AATK: variants seen among roughly 807,000 people sequenced by gnomAD.
The protein encoded by AATK is serine/threonine-protein kinase LMTK1.
Under a neutral mutation model 114.3 loss-of-function variants are expected in AATK, and 91 were observed. The observed-to-expected ratio is 0.80, with a 90% CI of 0.67 to 0.95. AATK has a LOEUF of 0.95. Ranked by LOEUF, AATK falls within the 40% of genes least tolerant of loss-of-function variation. The probability of loss-of-function intolerance (pLI) is 0.00; values close to 1 mark genes in which losing one functional copy is unlikely to be tolerated. For synonymous variants in AATK, 1,075 were observed against 916.5 expected (o/e 1.17, Z -3.12); for missense variants, 2,176 against 1,965.2 (o/e 1.11, Z -2.03).
chr17:81,120,156 G>C, intron 11 of AATK, 45 bp downstream of exon 11: 1 of 1,521,862 alleles, frequency 6.6e-7, no homozygotes. Flanking sequence ...TCCTGCGGGA[G>C]CGCGACCCCC....
In AATK at chr17:81,122,638, G is replaced by A; in HGVS notation, c.1298C>T (p.Pro433Leu). Residue 433 changes from proline to leucine, a missense_variant, in exon 11 of 14, where the codon CCC becomes CTC. Physicochemically the swap from Pro to Leu is moderately conservative, Grantham distance 98. Around this residue, in one of 4 missense-constraint regions of AATK, gnomAD observed 1,701 missense variants for 1,394.7 expected, o/e 1.22. Coordinates refer to ENST00000326724, the MANE Select transcript of AATK (RefSeq NM_001080395.3). ...GAGCTCCACCACGCCGCCCAGCATG[G>A]GCCCCGCCGCACCGGGCCCGGGCCC... is the stretch of plus-strand genomic sequence containing the variant. ...GVGPGPGAAG[P>L]MLGGVVELAA... 2.1e-6 allele frequency: 3 copies of A among 1,436,558 alleles called. No individual in the cohort carries two copies. The highest frequency in any genetic ancestry group is 2.8e-6 in the Non-Finnish European group (3 of 1,090,282). 89.0% of individuals were successfully genotyped at this position (1,436,558 alleles called of 1,614,324 possible).
At chr17:81,133,185 T>C (rs1428815804) in intron 2 of AATK, 2 of 482,128 alleles carry the variant, frequency 4.1e-6, no homozygotes, top group South Asian at 3.1e-5. Flanking sequence ...AGCTCCTCAC[T>C]GGTTGATGGG....
At chr17:81,156,512 C>T (rs2061369139) in intron 1 of AATK, among the ~76,000 whole-genome samples, 1 of 152,196 alleles carries the variant, frequency 6.6e-6, no homozygotes. Flanking sequence ...ATTCTCCTGC[C>T]TCAGCCTCCC....
intron 9 of AATK, among the ~76,000 whole-genome samples, chr17:81,124,174 C>T (rs902913937): frequency 3.2e-5 from 4 of 123,150 alleles, no homozygotes; most frequent in East Asian, 2.3e-4. Flanking sequence ...GTGGTGGGGG[C>T]GGTTGGGGAA....
chr17:81,157,851 T>C (rs2725416), intron 1 of AATK, among the ~76,000 whole-genome samples: 125,786 of 152,228 alleles, frequency 0.83, 52,073 homozygotes, highest in East Asian at 0.97. Flanking sequence ...CTGGCCTGTC[T>C]CTGCTCGACG....
chr17:81,144,917 G>C (rs1472790774), intron 1 of AATK, among the ~76,000 whole-genome samples: 1 of 152,224 alleles, frequency 6.6e-6, no homozygotes, highest in Non-Finnish European at 1.5e-5. Context: ...TGGCCACGCA[G>C]AGGATTCCAC....
chr17:81,125,823 T>TGG (rs2060808294), intron 7 of AATK: 1 of 276,880 alleles, frequency 3.6e-6, no homozygotes, highest in Admixed American at 4.2e-5. Context: ...TGGGGTGGGT[T>TGG]GGGGTTGGGG....
rs1285478384 is a variant in AATK at position 81,126,882 on chromosome 17, C to T, written c.622-322G>A. 6.1e-6 allele frequency: 7 copies of T among 1,147,752 alleles called. No homozygotes were observed. The highest frequency in any genetic ancestry group is 4.5e-5 in the East Asian group (1 of 22,406). 71.1% of individuals were successfully genotyped at this position (1,147,752 alleles called of 1,614,324 possible). On this transcript the variant is annotated intron_variant, in intron 6 of 13. Transcript: ENST00000326724. The surrounding 1 kb of genome is among the most constrained non-coding windows in gnomAD (Gnocchi z 5.1). Reference sequence around the variant, plus strand: ...CTTGATGGAGTCTGGGGCTGGTGGTCGAGGGTTGGCCGGCAGCCCCTGACC... The same window carrying T: ...CTTGATGGAGTCTGGGGCTGGTGGTTGAGGGTTGGCCGGCAGCCCCTGACC...
At chr17:81,139,597 C>G (rs2061093023) in intron 1 of AATK, among the ~76,000 whole-genome samples, 1 of 151,820 alleles carries the variant, frequency 6.6e-6, no homozygotes, top group African/African-American at 2.4e-5. Context: ...TCTTCCAAGC[C>G]TGGCCTGGCC....
rs1423591754 is a variant in AATK at position 81,126,745 on chromosome 17, C to T, written c.622-185G>A. On this transcript the variant is annotated intron_variant, in intron 6 of 13. Transcript: ENST00000326724. The surrounding 1 kb of genome is among the most constrained non-coding windows in gnomAD (Gnocchi z 5.1). ...GTTCCTGGAGGGGGGCCGTGTCCCC[C>T]AGGGCTGGGCTGGACTGAAGGCTTC... is the stretch of plus-strand genomic sequence containing the variant. 7.1e-7 allele frequency: 1 copy of T among 1,414,526 alleles called. No individual in the cohort carries two copies. Among genetic ancestry groups the T allele is most frequent in the Non-Finnish European group, 9.2e-7 (1 of 1,086,466 alleles). 87.6% of individuals were successfully genotyped at this position (1,414,526 alleles called of 1,614,324 possible).
rs559355977 is a variant in AATK at position 81,126,926 on chromosome 17, G to C, written c.622-366C>G. 1 of 966,400 alleles carries C rather than the reference G, an allele frequency of 1.0e-6. No individual in the cohort carries two copies. 59.9% of individuals were successfully genotyped at this position (966,400 alleles called of 1,614,324 possible). ...CCTGACCTGCCGAAAGCCCAGCCCC[G>C]GGACGGTCAACGTCAGGAGTCCAGA... On this transcript the variant is annotated intron_variant, in intron 6 of 13. Transcript: ENST00000326724. This position sits in a 1 kb window ranked among gnomAD's most constrained non-coding sequence, Gnocchi z 5.1.
In AATK at chr17:81,120,696, AGGCTCTGGG is replaced by A; in HGVS notation, c.3231_3239del (p.Pro1081_Pro1083del). 1 of 1,519,462 alleles carries A rather than the reference AGGCTCTGGG, an allele frequency of 6.6e-7. No individual in the cohort carries two copies. The highest frequency in any genetic ancestry group is 8.8e-7 in the Non-Finnish European group (1 of 1,133,898). 94.1% of individuals were successfully genotyped at this position (1,519,462 alleles called of 1,614,324 possible). On this transcript the variant is annotated inframe_deletion, in exon 11 of 14. Coordinates refer to ENST00000326724, the MANE Select transcript of AATK (RefSeq NM_001080395.3). ...CCTTGGCTGGGCCTTGGGGCTCCGG[AGGCTCTGGG>A]ACCAGGCCCGAGGGGCAGGTGCTGG...
intron 1 of AATK, among the ~76,000 whole-genome samples, chr17:81,164,393 T>C (rs2061461031): frequency 6.6e-6 from 1 of 152,150 alleles, no homozygotes; most frequent in Non-Finnish European, 1.5e-5. Flanking sequence ...CCCCTCCTGG[T>C]AGGTGGGCCC....
intron 1 of AATK, among the ~76,000 whole-genome samples, chr17:81,147,360 CAAAAA>C (rs59460030): frequency 1.8e-5 from 1 of 54,924 alleles, no homozygotes; most frequent in Non-Finnish European, 3.9e-5. Context: ...GACTCCATCT[CAAAAA>C]AAAAAAAAAA....
intron 1 of AATK, among the ~76,000 whole-genome samples, chr17:81,151,102 G>T (rs1412131761): frequency 6.6e-6 from 1 of 152,222 alleles, no homozygotes; most frequent in Non-Finnish European, 1.5e-5. Context: ...CTGTGAGGCA[G>T]ACAGAACTTT....
At chr17:81,125,186 C>T in intron 7 of AATK, 172 bp from the exon 8 acceptor site, 1 of 668,664 alleles carries the variant, frequency 1.5e-6, no homozygotes, top group Admixed American at 2.5e-5. Flanking sequence ...GGAGACACTG[C>T]CACCCCCCAT....
intron 1 of AATK, among the ~76,000 whole-genome samples, chr17:81,139,994 C>G (rs1250683055): frequency 6.6e-6 from 1 of 152,218 alleles, no homozygotes; most frequent in African/African-American, 2.4e-5. Context: ...ATCAGCCACC[C>G]TCAGGACCCC....
chr17:81,145,997 G>A (rs2061213447), intron 1 of AATK, among the ~76,000 whole-genome samples: 1 of 151,596 alleles, frequency 6.6e-6, no homozygotes, highest in African/African-American at 2.4e-5. Flanking sequence ...AGACCAGCCT[G>A]GGCAACATGG....
chr17:81,126,946 TC>T lies in AATK; in HGVS notation c.622-387del. ...GCCCCGGGACGGTCAACGTCAGGAG[TC>T]CAGACGCCAGTGTGTGAGGGCCCCT... On this transcript the variant is annotated intron_variant, in intron 6 of 13. Transcript: ENST00000326724. This position sits in a 1 kb window ranked among gnomAD's most constrained non-coding sequence, Gnocchi z 5.1. 1 of 702,828 alleles carries T rather than the reference TC, an allele frequency of 1.4e-6. No individual in the cohort carries two copies. The highest frequency in any genetic ancestry group is 1.8e-6 in the Non-Finnish European group (1 of 547,964). 43.5% of individuals were successfully genotyped at this position (702,828 alleles called of 1,614,324 possible).
Sources: allele counts gnomAD v4.1 joint callset (sites outside exome capture counted in the v4.1 genomes callset), GRCh38; gene constraint gnomAD v4.1.1; regional missense constraint gnomAD v4.1.1; non-coding constraint Gnocchi (gnomAD v3.1); transcripts MANE v1.5; gene names NCBI Gene and HGNC (gene_info 2026-07-23, HGNC 2026-07-21).